Variants in SLC44A5 observed in about 807,000 individuals in gnomAD.
SLC44A5 encodes the protein choline transporter-like protein 5.
A neutral mutation model predicts 101.8 loss-of-function variants in SLC44A5; 57 were observed. The observed-to-expected ratio is 0.56, with a 90% CI of 0.45 to 0.70. The LOEUF (loss-of-function observed/expected upper bound fraction) is 0.70, where lower values mean the gene tolerates loss of function less well. Among genes scored for constraint, SLC44A5 ranks in the 30% least tolerant of loss-of-function variants. The pLI, the probability that SLC44A5 is intolerant of heterozygous loss-of-function variation, is 0.00. For missense variants in SLC44A5, 737 were observed against 853.1 expected, an observed-to-expected ratio of 0.86 and a Z score of 1.70; for synonymous variants, 281 against 290.9, an observed-to-expected ratio of 0.97 and a Z score of 0.35.
At chr1:75,492,292 T>C (rs1390607070) in intron 2 of SLC44A5, among the ~76,000 whole-genome samples, 2 of 152,192 alleles carry the variant, frequency 1.3e-5, no homozygotes, top group Non-Finnish European at 2.9e-5. Flanking sequence ...GAAAATGAAA[T>C]GAAAGCAACT....
intron 4 of SLC44A5, among the ~76,000 whole-genome samples, chr1:75,322,020 G>C (rs1186080842): frequency 6.6e-6 from 1 of 152,126 alleles, no homozygotes; most frequent in African/African-American, 2.4e-5. Flanking sequence ...ATCTTTAAAA[G>C]GATTGTTTAC....
At chr1:75,633,214 G>C in the SLC44A5 span, among the ~76,000 whole-genome samples, 2 of 152,088 alleles carry the variant, frequency 1.3e-5, no homozygotes, top group South Asian at 4.1e-4. Context: ...CTCTTTTTTG[G>C]TTCCATATGA....
At chr1:75,534,959 T>C (rs1670915139) in intron 2 of SLC44A5, among the ~76,000 whole-genome samples, 1 of 152,116 alleles carries the variant, frequency 6.6e-6, no homozygotes, top group Non-Finnish European at 1.5e-5. Context: ...AATATTAAAA[T>C]CACCTCTATA....
At chr1:75,300,520 T>C (rs565415490) in intron 5 of SLC44A5, 92 bp downstream of exon 5, 3 of 806,268 alleles carry the variant, frequency 3.7e-6, no homozygotes, top group Admixed American at 2.7e-5. Context: ...AGGAAGGCTT[T>C]TGGAAGACAA....
chr1:75,360,299 A>G (rs1200770089), intron 3 of SLC44A5, among the ~76,000 whole-genome samples: 4 of 152,026 alleles, frequency 2.6e-5, no homozygotes, highest in Non-Finnish European at 4.4e-5. Context: ...TTATAGTTTC[A>G]GGTATATATT....
In SLC44A5 at chr1:75,227,736, C is replaced by A. The variant is rs1385616045; in HGVS notation, c.975G>T (p.Trp325Cys). 3 of 1,553,014 alleles carry A rather than the reference C, an allele frequency of 1.9e-6. No homozygotes were observed. Among genetic ancestry groups the A allele is most frequent in the Non-Finnish European group, 1.7e-6 (2 of 1,161,442 alleles). Residue 325 changes from tryptophan (W) to cysteine (C), a missense_variant, in exon 13 of 24, where the codon TGG becomes TGT. Coordinates refer to ENST00000370859, the MANE Select transcript of SLC44A5 (RefSeq NM_001130058.2). ...TTTTAAAATACTCACTAAATGTGAACCATGTTTGTTGCAGTTCAAAGTACA... is the reference window on the plus strand; with the variant it reads ...TTTTAAAATACTCACTAAATGTGAAACATGTTTGTTGCAGTTCAAAGTACA... ...ISMYFELQQT[W>C]FTFMIILCII...
chr1:75,681,445 G>T, the SLC44A5 span, among the ~76,000 whole-genome samples: 2 of 151,280 alleles, frequency 1.3e-5, no homozygotes, highest in East Asian at 3.9e-4. Context: ...ATGCAAGGCT[G>T]GTTCAATATA....
chr1:75,409,420 T>C (rs1663126504), intron 2 of SLC44A5, among the ~76,000 whole-genome samples: 1 of 152,116 alleles, frequency 6.6e-6, no homozygotes, highest in South Asian at 2.1e-4. Flanking sequence ...AATCTAATTT[T>C]TTTTAAAAAA....
At chr1:75,536,671 A>C (rs1299355693) in intron 2 of SLC44A5, among the ~76,000 whole-genome samples, 1 of 149,410 alleles carries the variant, frequency 6.7e-6, no homozygotes, top group South Asian at 2.1e-4. Context: ...TAAATAAATA[A>C]ATAATTATTA....
the SLC44A5 span, among the ~76,000 whole-genome samples, chr1:75,711,645 G>A: frequency 6.6e-6 from 1 of 152,184 alleles, no homozygotes; most frequent in Non-Finnish European, 1.5e-5. Context: ...GCTATCTTAT[G>A]TGCAGGAAAA....
intron 3 of SLC44A5, among the ~76,000 whole-genome samples, chr1:75,345,925 A>G (rs571147229): frequency 1.3e-5 from 2 of 152,318 alleles, no homozygotes; most frequent in Admixed American, 6.5e-5. Flanking sequence ...ATAAGATGGT[A>G]GATGCCTGGC....
intron 2 of SLC44A5, among the ~76,000 whole-genome samples, chr1:75,403,545 C>T (rs1325905895): frequency 6.6e-6 from 1 of 152,096 alleles, no homozygotes; most frequent in Non-Finnish European, 1.5e-5. Context: ...CTGGTGATAC[C>T]CAGGAAAACA....
intron 20 of SLC44A5, 30 bp downstream of exon 20, chr1:75,214,575 T>C: frequency 6.3e-7 from 1 of 1,581,976 alleles, no homozygotes; most frequent in Non-Finnish European, 8.7e-7. Flanking sequence ...ACTACATTGT[T>C]AAATTACATT....
the SLC44A5 span, among the ~76,000 whole-genome samples, chr1:75,706,300 G>C: frequency 6.6e-6 from 1 of 151,970 alleles, no homozygotes; most frequent in African/African-American, 2.4e-5. Context: ...CTTGTTATTA[G>C]AGAACACAGT....
chr1:75,692,701 G>A, the SLC44A5 span, among the ~76,000 whole-genome samples: 1 of 152,082 alleles, frequency 6.6e-6, no homozygotes, highest in Non-Finnish European at 1.5e-5. Flanking sequence ...AAAAAGGAAA[G>A]GAATGGGAAA....
At chr1:75,718,621 T>C in the SLC44A5 span, among the ~76,000 whole-genome samples, 4 of 152,168 alleles carry the variant, frequency 2.6e-5, no homozygotes, top group East Asian at 5.8e-4. Context: ...ACCTGAGGAG[T>C]GCAAAGAGGA....
chr1:75,459,915 C>T (rs1381331528), intron 2 of SLC44A5, among the ~76,000 whole-genome samples: 3 of 152,138 alleles, frequency 2.0e-5, no homozygotes, highest in Admixed American at 2.0e-4. Flanking sequence ...GTTGGAACTA[C>T]AGGAGGCACG....
At chr1:75,219,487 G>A in intron 15 of SLC44A5, 143 bp from the exon 16 acceptor site, 1 of 676,748 alleles carries the variant, frequency 1.5e-6, no homozygotes, top group Non-Finnish European at 2.6e-6. Flanking sequence ...CTATTTTTCA[G>A]GCCTAGATTA....
the SLC44A5 span, among the ~76,000 whole-genome samples, chr1:75,628,656 A>C: frequency 2.0e-5 from 3 of 152,224 alleles, no homozygotes; most frequent in Non-Finnish European, 4.4e-5. Flanking sequence ...AATAGCATTC[A>C]AACAAGAGAA....
Sources: allele counts gnomAD v4.1 joint callset (sites outside exome capture counted in the v4.1 genomes callset), GRCh38; gene constraint gnomAD v4.1.1; transcripts MANE v1.5; gene names NCBI Gene and HGNC (gene_info 2026-07-23, HGNC 2026-07-21).